The following SYT10 variants were observed in gnomAD, a reference collection of about 807,000 sequenced individuals.
SYT10 encodes the protein synaptotagmin-10.
In SYT10, 31 loss-of-function variants were observed where a neutral mutation model predicts 51.1. The ratio of observed to expected loss-of-function variants is 0.61; its 90% CI spans 0.46 to 0.82. The LOEUF is 0.82. SYT10 is among the 40% of genes least tolerant of loss of function. The pLI is 0.00. For missense variants in SYT10, 603 were observed against 634.0 expected, an observed-to-expected ratio of 0.95 and a Z score of 0.53; for synonymous variants, 233 against 225.9, an observed-to-expected ratio of 1.03 and a Z score of -0.28.
intron 3 of SYT10, among the ~76,000 whole-genome samples, chr12:33,392,317 G>A (rs1438300471): frequency 6.6e-6 from 1 of 152,150 alleles, no homozygotes; most frequent in African/African-American, 2.4e-5. Context: ...ATGGCAAATG[G>A]GAGGGAGGAA....
chr12:33,383,113 C>G (rs1269549587), intron 4 of SYT10, among the ~76,000 whole-genome samples: 1 of 152,060 alleles, frequency 6.6e-6, no homozygotes, highest in Non-Finnish European at 1.5e-5. Context: ...TATCCTATTA[C>G]CCTTACCATC....
rs112861244 is a variant in SYT10, at chr12:33,409,093, A to C, written c.510-1737T>G. Among the ~76,000 whole-genome samples the C allele has an allele frequency of 4.8e-3, 734 of 151,654 alleles. 8 individuals carry two copies. The highest frequency in any genetic ancestry group is 0.017 in the African/African-American group (688 of 41,266). On this transcript the variant is annotated intron_variant, in intron 2 of 6. Coordinates refer to ENST00000228567, the MANE Select transcript of SYT10 (RefSeq NM_198992.4). ...TACCCAGTCAGTGCACCCTCAGAAC[A>C]CTCATTTCAAAATACTTTATTCACT... is the stretch of plus-strand genomic sequence containing the variant.
intron 6 of SYT10, among the ~76,000 whole-genome samples, chr12:33,377,493 G>A (rs892916567): frequency 4.6e-5 from 7 of 152,084 alleles, no homozygotes; most frequent in Non-Finnish European, 8.8e-5. Flanking sequence ...TGAGAACTGC[G>A]TTTGGCAGAT....
intron 3 of SYT10, 21 bp downstream of exon 3, chr12:33,406,768 A>G (rs1866356344): frequency 6.4e-7 from 1 of 1,557,990 alleles, no homozygotes; most frequent in Admixed American, 1.9e-5. Context: ...AAAACAATAT[A>G]TTGGTGGAAT....
intron 3 of SYT10, chr12:33,404,766 A>T (rs1167758427): frequency 6.6e-6 from 1 of 152,146 alleles, no homozygotes; most frequent in Non-Finnish European, 1.5e-5. Flanking sequence ...ACCAAACTGT[A>T]TTTCTAACCA....
chr12:33,397,125 G>A (rs1365281510), intron 3 of SYT10, among the ~76,000 whole-genome samples: 1 of 152,160 alleles, frequency 6.6e-6, no homozygotes, highest in Non-Finnish European at 1.5e-5. Context: ...TACACAGCAT[G>A]GTCCAGAAAG....
chr12:33,419,942 TAGA>T (rs930470082), intron 2 of SYT10, among the ~76,000 whole-genome samples: 1 of 152,234 alleles, frequency 6.6e-6, no homozygotes, highest in Non-Finnish European at 1.5e-5. Flanking sequence ...ACTTGATTCC[TAGA>T]AGGTCATGTG....
chr12:33,398,449 G>T (rs1866276120), intron 3 of SYT10, among the ~76,000 whole-genome samples: 2 of 152,024 alleles, frequency 1.3e-5, no homozygotes, highest in South Asian at 4.1e-4. Flanking sequence ...GGAGGCGGAG[G>T]TTGCAACGAG....
chr12:33,379,811 G>T (rs760812723), intron 6 of SYT10, 21 bp downstream of exon 6: 1 of 1,613,218 alleles, frequency 6.2e-7, no homozygotes, highest in East Asian at 2.2e-5. Flanking sequence ...AAGAGCAGAC[G>T]TAAGGAACTC....
chr12:33,381,450 T>A (rs763956783), intron 5 of SYT10, among the ~76,000 whole-genome samples: 4 of 152,270 alleles, frequency 2.6e-5, no homozygotes, highest in Non-Finnish European at 5.9e-5. Flanking sequence ...TTTTGTAGGT[T>A]AAAAACACAA....
chr12:33,418,202 C>A (rs1299184235), intron 2 of SYT10, among the ~76,000 whole-genome samples: 2 of 152,146 alleles, frequency 1.3e-5, no homozygotes, highest in South Asian at 2.1e-4. Flanking sequence ...GCTTAGCACA[C>A]TCCTCTGACA....
rs560298248 is a variant in SYT10 at position 33,428,151 on chromosome 12, T to G, written c.152-1656A>C. ...AGCTCTAGTGAAGGAGAGTGAAGAT[T>G]AAAAAGGACAAGAATGTGACTCAGT... On this transcript the variant is annotated intron_variant, in intron 1 of 6. Coordinates refer to ENST00000228567, the MANE Select transcript of SYT10 (RefSeq NM_198992.4). Among the ~76,000 whole-genome samples, 4 of 152,242 alleles carry G rather than the reference T, an allele frequency of 2.6e-5. No individual in the cohort carries two copies. The East Asian group carries it at 7.7e-4, about 29-fold the overall frequency.
Position 33,379,851 on chromosome 12 carries a change from T to A in SYT10, c.1481A>T (p.His494Leu). The A allele has an allele frequency of 6.2e-7, 1 of 1,613,778 alleles. No individual in the cohort carries two copies. Among genetic ancestry groups the A allele is most frequent in the Non-Finnish European group, 8.5e-7 (1 of 1,179,886 alleles). Residue 494 changes from histidine (H) to leucine (L), a missense_variant, in exon 6 of 7, where the codon CAC becomes CTC. Transcript: ENST00000228567. Reference sequence around the variant, plus strand: ...GCTTACCTCCAGCAATGGGTGCCAGTGCGTTATTGGTTTTCGATGATAGGC... The same window carrying A: ...GCTTACCTCCAGCAATGGGTGCCAGAGCGTTATTGGTTTTCGATGATAGGC... ...MLAYHRKPIT[H>L]WHPLLELPGR...
At chr12:33,430,014 C>T (rs1020517686) in intron 1 of SYT10, among the ~76,000 whole-genome samples, 10 of 151,970 alleles carry the variant, frequency 6.6e-5, no homozygotes, top group African/African-American at 1.5e-4. Context: ...TCACTGTCTC[C>T]GGATAATTAA....
intron 2 of SYT10, among the ~76,000 whole-genome samples, chr12:33,408,527 G>C (rs1265606212): frequency 6.6e-6 from 1 of 152,104 alleles, no homozygotes; most frequent in African/African-American, 2.4e-5. Flanking sequence ...TTTCTGGCAC[G>C]AACTGTGCCA....
intron 3 of SYT10, among the ~76,000 whole-genome samples, chr12:33,401,527 T>TA (rs1866304490): frequency 6.6e-6 from 1 of 152,176 alleles, no homozygotes; most frequent in South Asian, 2.1e-4. Context: ...CCTTCATATA[T>TA]AATTTATTAT....
At position 33,412,009 on chromosome 12, in the gene SYT10, A is replaced by G. The variant is rs116375143; in HGVS notation, c.510-4653T>C. Among the ~76,000 whole-genome samples the G allele has an allele frequency of 8.0e-3, 1,223 of 152,238 alleles. 13 individuals are homozygous for G. Among genetic ancestry groups the G allele is most frequent in the African/African-American group, 0.028 (1,161 of 41,564 alleles). The stretch of plus-strand genomic sequence containing the variant: ...ATTTAGGATATTTTATTGAATAGAA[A>G]ATCTAACATTCTTGCTAAAATCACT... On this transcript the variant is annotated intron_variant, in intron 2 of 6. Transcript: ENST00000228567.
chr12:33,377,633 T>TTC (rs1555175840), intron 6 of SYT10, among the ~76,000 whole-genome samples: 2 of 147,984 alleles, frequency 1.4e-5, no homozygotes, highest in Non-Finnish European at 1.5e-5. Context: ...CTTTTTCTTT[T>TTC]TTTTTTTTTT....
chr12:33,393,114 C>G (rs1365999419), intron 3 of SYT10, among the ~76,000 whole-genome samples: 2 of 151,688 alleles, frequency 1.3e-5, no homozygotes, highest in Admixed American at 6.6e-5. Context: ...CTATCAGGAG[C>G]CACAAAGTGA....
Sources: allele counts gnomAD v4.1 joint callset (sites outside exome capture counted in the v4.1 genomes callset), GRCh38; gene constraint gnomAD v4.1.1; transcripts MANE v1.5; gene names NCBI Gene and HGNC (gene_info 2026-07-23, HGNC 2026-07-21).